LRRIQ3: variants seen among roughly 807,000 people sequenced by gnomAD.
The protein encoded by LRRIQ3 is leucine rich repeats and IQ motif containing 3.
In LRRIQ3, 75 loss-of-function variants were observed where a neutral mutation model predicts 59.3. That is an observed-to-expected ratio of 1.26 (90% CI 1.05 to 1.53). The LOEUF is 1.53. LRRIQ3 is among the 40% of genes most tolerant of loss of function. LRRIQ3 has a pLI of 0.00. For synonymous variants in LRRIQ3, 250 were observed against 231.3 expected (o/e 1.08, Z -0.73); for missense variants, 831 against 710.0 (o/e 1.17, Z -1.94).
chr1:74,092,855 T>C (rs935195238), intron 5 of LRRIQ3, among the ~76,000 whole-genome samples: 6 of 151,984 alleles, frequency 3.9e-5, no homozygotes, highest in African/African-American at 1.2e-4. Context: ...ATAAGACTTA[T>C]ATACAAAGGT....
chr1:74,101,902 C>T (rs1646538884), intron 5 of LRRIQ3, among the ~76,000 whole-genome samples: 1 of 151,772 alleles, frequency 6.6e-6, no homozygotes, highest in Admixed American at 6.6e-5. Context: ...CACACTGGGG[C>T]CTGTCATATG....
intron 6 of LRRIQ3, among the ~76,000 whole-genome samples, chr1:74,043,993 C>T (rs140056910): frequency 7.2e-5 from 11 of 152,126 alleles, no homozygotes; most frequent in East Asian, 1.9e-4. Flanking sequence ...TGTCTTTTCA[C>T]GTCATATTTT....
intron 3 of LRRIQ3, among the ~76,000 whole-genome samples, chr1:74,163,781 G>C (rs895577211): frequency 6.6e-6 from 1 of 151,482 alleles, no homozygotes; most frequent in African/African-American, 2.4e-5. Context: ...TCTCAGTATT[G>C]CAATTGCTGA....
At chr1:74,075,922 G>C (rs1040502569) in intron 5 of LRRIQ3, among the ~76,000 whole-genome samples, 1 of 152,142 alleles carries the variant, frequency 6.6e-6, no homozygotes, top group East Asian at 1.9e-4. Context: ...ATGACAAAAG[G>C]ACACAGGCCC....
intron 4 of LRRIQ3, among the ~76,000 whole-genome samples, chr1:74,110,568 A>G (rs1646681278): frequency 6.6e-6 from 1 of 152,044 alleles, no homozygotes; most frequent in African/African-American, 2.4e-5. Flanking sequence ...AAAATCAGTA[A>G]CATCCATTCT....
chr1:74,114,561 C>T (rs1646751494), intron 4 of LRRIQ3, among the ~76,000 whole-genome samples: 1 of 151,446 alleles, frequency 6.6e-6, no homozygotes, highest in African/African-American at 2.4e-5. Context: ...ACAGTGAAAC[C>T]CCATCTCTAC....
chr1:74,127,136 T>G (rs1458128259), intron 4 of LRRIQ3, among the ~76,000 whole-genome samples: 1 of 151,996 alleles, frequency 6.6e-6, no homozygotes, highest in Non-Finnish European at 1.5e-5. Context: ...AGTTTTTGTA[T>G]TGAAATGTAT....
intron 3 of LRRIQ3, chr1:74,180,796 T>C: frequency 6.5e-7 from 1 of 1,549,656 alleles, no homozygotes; most frequent in Non-Finnish European, 8.7e-7. Context: ...CTAACATTTT[T>C]CCACATCCAA....
chr1:74,115,463 A>G (rs1646765217), intron 4 of LRRIQ3, among the ~76,000 whole-genome samples: 1 of 152,160 alleles, frequency 6.6e-6, no homozygotes, highest in Non-Finnish European at 1.5e-5. Flanking sequence ...GGAGGAATTC[A>G]GGAATTATCT....
chr1:74,110,864 G>T (rs942194802), intron 4 of LRRIQ3, among the ~76,000 whole-genome samples: 1 of 152,002 alleles, frequency 6.6e-6, no homozygotes, highest in Non-Finnish European at 1.5e-5. Flanking sequence ...GGCTAGTGGA[G>T]TAGCCCTGCT....
At chr1:74,174,806 A>G (rs947770105) in intron 3 of LRRIQ3, among the ~76,000 whole-genome samples, 83 of 151,814 alleles carry the variant, frequency 5.5e-4, no homozygotes, top group African/African-American at 2.0e-3. Flanking sequence ...TTATTTGTCA[A>G]TGTTCTTTTG....
At chr1:74,071,640 G>A (rs1472388632) in intron 6 of LRRIQ3, among the ~76,000 whole-genome samples, 1 of 152,068 alleles carries the variant, frequency 6.6e-6, no homozygotes, top group Non-Finnish European at 1.5e-5. Flanking sequence ...TAAGATCTTT[G>A]ATTTGTGTCA....
At chr1:74,131,403 C>G (rs958905624) in intron 4 of LRRIQ3, among the ~76,000 whole-genome samples, 5 of 152,096 alleles carry the variant, frequency 3.3e-5, no homozygotes, top group African/African-American at 1.2e-4. Context: ...GATACCAAAG[C>G]CTGGCAGAGA....
intron 6 of LRRIQ3, among the ~76,000 whole-genome samples, chr1:74,045,639 G>C (rs887239829): frequency 6.6e-6 from 1 of 151,994 alleles, no homozygotes; most frequent in East Asian, 1.9e-4. Flanking sequence ...AGAAATAAAC[G>C]GTATTCAAGT....
chr1:74,105,224 T>C (rs183610264), intron 5 of LRRIQ3, among the ~76,000 whole-genome samples: 1 of 149,662 alleles, frequency 6.7e-6, no homozygotes, highest in Admixed American at 6.8e-5. Context: ...TAATGTATTT[T>C]TTCACATCTA....
Position 74,041,208 on chromosome 1 carries a change from C to T in LRRIQ3, c.1718+5G>A, listed in dbSNP as rs1654032898. ...ATGCCTCTGTTATATCTAAATTGTA[C>T]CTACCTAACTTTTTTCATTTCTTTA... On this transcript the variant is annotated splice_donor_5th_base_variant and intron_variant, in intron 7 of 7. Coordinates refer to ENST00000354431, the MANE Select transcript of LRRIQ3 (RefSeq NM_001105659.2). 1 of 1,551,760 alleles carries T rather than the reference C, an allele frequency of 6.4e-7. No individual in the cohort carries two copies. Among genetic ancestry groups the T allele is most frequent in the Non-Finnish European group, 8.7e-7 (1 of 1,145,534 alleles).
chr1:74,179,330 G>T (rs942895226), intron 3 of LRRIQ3, among the ~76,000 whole-genome samples: 2 of 151,786 alleles, frequency 1.3e-5, no homozygotes, highest in African/African-American at 4.8e-5. Context: ...CACAATTAAG[G>T]ATAAAATCCT....
rs111443539 is a variant in LRRIQ3, at chr1:74,060,258, C to T, written c.997+14403G>A. On this transcript the variant is annotated intron_variant, in intron 6 of 7. Coordinates refer to ENST00000354431, the MANE Select transcript of LRRIQ3 (RefSeq NM_001105659.2). ...CTTCTTCTTCTTCTTCTTCTTCTTCCTCTTCCTCTTCTTTCTCTTCCTCCT... is the reference window on the plus strand; with the variant it reads ...CTTCTTCTTCTTCTTCTTCTTCTTCTTCTTCCTCTTCTTTCTCTTCCTCCT... Among the ~76,000 whole-genome samples, 529 of 121,268 alleles carry T rather than the reference C, an allele frequency of 4.4e-3. 2 individuals carry two copies. The highest frequency in any genetic ancestry group is 0.017 in the African/African-American group (491 of 28,072). The allele number at this position is 121,268 out of a possible 152,430, so 79.6% of individuals were successfully genotyped here.
chr1:74,181,024 T>G, intron 3 of LRRIQ3: 1 of 479,194 alleles, frequency 2.1e-6, no homozygotes, highest in Admixed American at 3.8e-5. Flanking sequence ...AGGACAAGAA[T>G]TTTGTCAGTA....
Sources: gnomAD v4.1 joint callset for allele counts (sites outside exome capture counted in the v4.1 genomes callset) on GRCh38, gnomAD v4.1.1 for gene constraint, MANE v1.5 for transcripts, NCBI Gene and HGNC (gene_info 2026-07-23, HGNC 2026-07-21) for gene names.